Variants in SERINC3 observed in about 807,000 individuals in gnomAD.
SERINC3 encodes serine incorporator 3.
SERINC3 carries 22 observed loss-of-function variants against 52.1 expected under a neutral mutation model. That is an observed-to-expected ratio of 0.42 (90% CI 0.30 to 0.60). The LOEUF is 0.60. SERINC3 is among the 20% of genes least tolerant of loss of function. SERINC3 has a pLI of 0.16. For synonymous variants in SERINC3, 226 were observed against 212.7 expected (o/e 1.06, Z -0.54); for missense variants, 564 against 584.6 (o/e 0.96, Z 0.36).
At chr20:44,511,743 T>C (rs1273565931) in intron 3 of SERINC3, among the ~76,000 whole-genome samples, 1 of 152,132 alleles carries the variant, frequency 6.6e-6, no homozygotes, top group East Asian at 1.9e-4. Context: ...TCACAAATAT[T>C]TACAACACAG....
At chr20:44,519,430 A>G in intron 1 of SERINC3, 1 of 971,778 alleles carries the variant, frequency 1.0e-6, no homozygotes, top group Non-Finnish European at 1.2e-6. Context: ...GTGATAGAAG[A>G]TAAAAGAAAA....
Position 44,500,258 on chromosome 20 carries a change from C to T in SERINC3, c.*38G>A. Reference sequence around the variant, plus strand: ...TATATGGGTTTTCGGTGAAGGAGACCTTTGTGAGTTCCAGTGGTGTCCTTG... The same window carrying T: ...TATATGGGTTTTCGGTGAAGGAGACTTTTGTGAGTTCCAGTGGTGTCCTTG... On this transcript the variant is annotated 3_prime_UTR_variant, in exon 10 of 10. Coordinates refer to ENST00000342374, the MANE Select transcript of SERINC3 (RefSeq NM_006811.4). 6.3e-7 allele frequency: 1 copy of T among 1,590,994 alleles called. No individual in the cohort carries two copies. The highest frequency in any genetic ancestry group is 2.3e-5 in the East Asian group (1 of 44,368).
chr20:44,516,717 C>G (rs894648324), intron 1 of SERINC3, among the ~76,000 whole-genome samples: 3 of 152,110 alleles, frequency 2.0e-5, no homozygotes, highest in African/African-American at 7.2e-5. Context: ...TTTAAAAAGA[C>G]AAGGCGTCAC....
At chr20:44,513,717 G>C (rs1320306861) in intron 2 of SERINC3, among the ~76,000 whole-genome samples, 162 bp downstream of exon 2, 1 of 152,094 alleles carries the variant, frequency 6.6e-6, no homozygotes, top group Non-Finnish European at 1.5e-5. Flanking sequence ...TTCTGGAAAA[G>C]GACTAATGTC....
In SERINC3 at chr20:44,521,973, G is replaced by C. The variant is rs766445913; in HGVS notation, c.-22C>G. On this transcript the variant is annotated 5_prime_UTR_variant, in exon 1 of 10. Transcript: ENST00000342374. The stretch of plus-strand genomic sequence containing the variant: ...CCATGGTGACGCCAGTGATGGAGGT[G>C]GCCGGTCCTGAGGCTGCTTTCTAAC... 1 of 1,605,358 alleles carries C rather than the reference G, an allele frequency of 6.2e-7. No individual in the cohort carries two copies. The highest frequency in any genetic ancestry group is 1.1e-5 in the South Asian group (1 of 89,454).
In SERINC3 at chr20:44,519,976, G is replaced by T. The variant is rs75437745; in HGVS notation, c.39+1937C>A. On this transcript the variant is annotated intron_variant, in intron 1 of 9. Transcript: ENST00000342374. ...GCAGCCCCTAGGTGGCTTCATGATG[G>T]GTGAGGGTCATAGTAGGAGGTTGGG... Among the ~76,000 whole-genome samples the T allele has an allele frequency of 3.0e-3, 463 of 152,272 alleles. 2 individuals carry two copies. Among genetic ancestry groups the T allele is most frequent in the African/African-American group, 0.011 (447 of 41,550 alleles).
At chr20:44,514,151 G>A in intron 1 of SERINC3, 111 bp from the exon 2 acceptor site, 1 of 1,154,294 alleles carries the variant, frequency 8.7e-7, no homozygotes, top group South Asian at 1.8e-5. Context: ...TTTTAACTCA[G>A]AGAATCATGG....
intron 9 of SERINC3, 99 bp from the exon 10 acceptor site, chr20:44,500,533 A>G: frequency 7.1e-7 from 1 of 1,408,978 alleles, no homozygotes; most frequent in Non-Finnish European, 9.8e-7. Flanking sequence ...TTCTCCAGTG[A>G]AACTTGGCTG....
At chr20:44,515,518 A>G (rs2064374634) in intron 1 of SERINC3, among the ~76,000 whole-genome samples, 1 of 152,220 alleles carries the variant, frequency 6.6e-6, no homozygotes. Flanking sequence ...ATCTAGAGAC[A>G]GAAGATTAGG....
chr20:44,513,016 G>A (rs1027505381), intron 2 of SERINC3, 22 bp from the exon 3 acceptor site: 3 of 1,457,814 alleles, frequency 2.1e-6, no homozygotes, highest in Admixed American at 2.8e-5. Context: ...CAATTTCAAT[G>A]TTACGAGAAT....
chr20:44,497,106 C>G (rs1046431831), downstream of SERINC3, among the ~76,000 whole-genome samples: 5 of 152,178 alleles, frequency 3.3e-5, no homozygotes, highest in Admixed American at 6.5e-5. Flanking sequence ...AAAGCCAGGG[C>G]CCCAACCCGC....
chr20:44,518,177 G>C (rs2064392260), intron 1 of SERINC3, among the ~76,000 whole-genome samples: 2 of 152,028 alleles, frequency 1.3e-5, no homozygotes, highest in Non-Finnish European at 2.9e-5. Context: ...GAAGCTCTGA[G>C]TTGGCCGGCA....
chr20:44,514,918 C>T (rs2064370638), intron 1 of SERINC3, among the ~76,000 whole-genome samples: 1 of 152,192 alleles, frequency 6.6e-6, no homozygotes, highest in Non-Finnish European at 1.5e-5. Flanking sequence ...ATATACCCGA[C>T]CCCAATAGCT....
At position 44,500,057 on chromosome 20, in the gene SERINC3, A is replaced by G. The variant is rs1355450149; in HGVS notation, c.*239T>C. The G allele has an allele frequency of 5.0e-6, 2 of 402,476 alleles. No homozygotes were observed. Among genetic ancestry groups the G allele is most frequent in the Non-Finnish European group, 8.7e-6 (2 of 229,040 alleles). The allele number at this position is 402,476 out of a possible 1,614,324, so 24.9% of individuals were successfully genotyped here. On this transcript the variant is annotated 3_prime_UTR_variant, in exon 10 of 10. Transcript: ENST00000342374. ...TCACAGCACAGCTGTAGTTCACTTT[A>G]AACAAAAAATGTTCCCTTTGTGCTA... is the stretch of plus-strand genomic sequence containing the variant.
At chr20:44,507,987 C>T (rs983184680) in intron 5 of SERINC3, among the ~76,000 whole-genome samples, 8 of 152,210 alleles carry the variant, frequency 5.3e-5, no homozygotes, top group Non-Finnish European at 1.0e-4. Context: ...GTATTCAAGT[C>T]AAAGCCCAGA....
intron 1 of SERINC3, among the ~76,000 whole-genome samples, chr20:44,515,639 G>A (rs1285890302): frequency 1.3e-5 from 2 of 151,838 alleles, no homozygotes; most frequent in African/African-American, 4.8e-5. Flanking sequence ...TGTACTAAAT[G>A]CCACTATACG....
At position 44,504,833 on chromosome 20, in the gene SERINC3, T is replaced by C; in HGVS notation, c.842A>G (p.Tyr281Cys). The change falls in exon 7 of 10, where the codon TAC (tyrosine) becomes TGC (cysteine). Residue 281 changes from tyrosine (Y) to cysteine (C), a missense_variant. Physicochemically the swap from Tyr to Cys is radical, Grantham distance 194. Coordinates refer to ENST00000342374, the MANE Select transcript of SERINC3 (RefSeq NM_006811.4). ...ATTGGACATGGCTGACCAGGTGAGG[T>C]ACATAGTGTAGAGGGTGATGAGGGA... ...QSSLITLYTM[Y>C]LTWSAMSNEP... The C allele has an allele frequency of 6.2e-7, 1 of 1,612,666 alleles. No individual in the cohort carries two copies. The highest frequency in any genetic ancestry group is 8.5e-7 in the Non-Finnish European group (1 of 1,178,960).
At chr20:44,514,107 C>A in intron 1 of SERINC3, 67 bp from the exon 2 acceptor site, 1 of 1,505,314 alleles carries the variant, frequency 6.6e-7, no homozygotes. Flanking sequence ...ACAGATGTCG[C>A]AGAAGAGAAA....
At chr20:44,517,231 C>T (rs966408985) in intron 1 of SERINC3, among the ~76,000 whole-genome samples, 4 of 152,220 alleles carry the variant, frequency 2.6e-5, no homozygotes, top group Non-Finnish European at 5.9e-5. Context: ...CTCAATATAT[C>T]GTGGTAGCCA....
Sources: allele counts gnomAD v4.1 joint callset (sites outside exome capture counted in the v4.1 genomes callset), GRCh38; gene constraint gnomAD v4.1.1; transcripts MANE v1.5; gene names NCBI Gene and HGNC (gene_info 2026-07-23, HGNC 2026-07-21).